Variants in MAGI2 observed in about 807,000 individuals in gnomAD.
MAGI2 encodes membrane-associated guanylate kinase, WW and PDZ domain-containing protein 2.
A neutral mutation model predicts 133.3 loss-of-function variants in MAGI2; 35 were observed. The observed-to-expected ratio is 0.26, with a 90% CI of 0.20 to 0.35. The LOEUF (loss-of-function observed/expected upper bound fraction) is 0.35. Ranked by LOEUF, MAGI2 falls within the 10% of genes least tolerant of loss-of-function variation. The probability of loss-of-function intolerance (pLI) is 1.00; values close to 1 mark genes in which losing one functional copy is unlikely to be tolerated. For synonymous variants in MAGI2, 729 were observed against 710.6 expected (o/e 1.03, Z -0.41); for missense variants, 1,636 against 1,863.4 (o/e 0.88, Z 2.25).
intron 1 of MAGI2, among the ~76,000 whole-genome samples, chr7:79,242,745 G>A (rs1832514598): frequency 6.6e-6 from 1 of 152,188 alleles, no homozygotes; most frequent in Admixed American, 6.5e-5. Context: ...TGGCCAATAA[G>A]AGGATGTAGA....
intron 1 of MAGI2, among the ~76,000 whole-genome samples, chr7:79,376,768 T>A (rs73157871): frequency 6.6e-6 from 1 of 151,938 alleles, no homozygotes; most frequent in East Asian, 1.9e-4. Context: ...TGTAGTTGAC[T>A]GTGGATAACT....
In MAGI2 at chr7:78,019,193, C is replaced by T; in HGVS notation, c.*122G>A. The T allele has an allele frequency of 8.3e-7, 1 of 1,199,288 alleles. No homozygotes were observed. Among genetic ancestry groups the T allele is most frequent in the Non-Finnish European group, 1.2e-6 (1 of 863,804 alleles). 74.3% of individuals were successfully genotyped at this position (1,199,288 alleles called of 1,614,324 possible). A position where few individuals can be genotyped will look rare whatever the true frequency, so the allele number is the denominator to read the frequency against. ...CACGTGGGACTTCACGTCGATGCTCCCAGGCCTTGGTGCCTCGTGGATCTA... is the reference window on the plus strand; with the variant it reads ...CACGTGGGACTTCACGTCGATGCTCTCAGGCCTTGGTGCCTCGTGGATCTA... On this transcript the variant is annotated 3_prime_UTR_variant, in exon 22 of 22. Transcript: ENST00000354212.
chr7:78,174,996 G>A (rs1190237911), intron 14 of MAGI2, among the ~76,000 whole-genome samples: 1 of 152,166 alleles, frequency 6.6e-6, no homozygotes, highest in Admixed American at 6.5e-5. Context: ...TGTCACATTT[G>A]GAACCCTTCC....
intron 9 of MAGI2, among the ~76,000 whole-genome samples, chr7:78,327,288 G>A (rs1384681197): frequency 1.1e-4 from 17 of 152,164 alleles, no homozygotes; most frequent in Admixed American, 1.1e-3. Flanking sequence ...AGTTGCGATG[G>A]CTTCATTGCC....
intron 2 of MAGI2, among the ~76,000 whole-genome samples, chr7:78,932,214 T>C (rs983065656): frequency 6.6e-6 from 1 of 152,138 alleles, no homozygotes; most frequent in Non-Finnish European, 1.5e-5. Context: ...CCAAGACCTA[T>C]GTGCATTACT....
intron 21 of MAGI2, among the ~76,000 whole-genome samples, chr7:78,026,569 G>T (rs1050835111): frequency 3.3e-5 from 5 of 152,130 alleles, no homozygotes; most frequent in Non-Finnish European, 7.3e-5. Context: ...ATTTGCATCT[G>T]TTCCACCATC....
chr7:78,712,496 C>T (rs187298192), intron 2 of MAGI2, among the ~76,000 whole-genome samples: 224 of 152,280 alleles, frequency 1.5e-3, no homozygotes, highest in African/African-American at 4.4e-3. Flanking sequence ...TGCAAGCTAA[C>T]GCTGCAGTAT....
chr7:78,888,646 C>T (rs541015291), intron 2 of MAGI2, among the ~76,000 whole-genome samples: 35 of 152,292 alleles, frequency 2.3e-4, no homozygotes, highest in Non-Finnish European at 3.7e-4. Flanking sequence ...CAGCAAACTC[C>T]GACAGACCTG....
At position 78,188,800 on chromosome 7, in the gene MAGI2, T is replaced by C. The variant is rs1042829105; in HGVS notation, c.2270-3130A>G. Among the ~76,000 whole-genome samples the C allele has an allele frequency of 2.6e-5, 4 of 152,164 alleles. No individual in the cohort carries two copies. In the South Asian group the frequency reaches 8.3e-4, roughly 32 times the overall value. On this transcript the variant is annotated intron_variant, in intron 12 of 21. Transcript: ENST00000354212. ...GGCATCCATGAATTTATTTAAACCTTTGTGAAACTTTTTGATATTTCCAGC... is the reference window on the plus strand; with the variant it reads ...GGCATCCATGAATTTATTTAAACCTCTGTGAAACTTTTTGATATTTCCAGC...
rs77023657 is a variant in MAGI2 at position 78,257,435 on chromosome 7, T to G, written c.1409-854A>C. On this transcript the variant is annotated intron_variant, in intron 9 of 21. Transcript: ENST00000354212. ...TCCTCTGATCTTAGATAAACTAATATTTCTGTGGATCAGTTTCAATAAAGG... is the reference window on the plus strand; with the variant it reads ...TCCTCTGATCTTAGATAAACTAATAGTTCTGTGGATCAGTTTCAATAAAGG... 1.8e-3 allele frequency among the ~76,000 whole-genome samples: 281 copies of G among 152,304 alleles called. 1 individual carries two copies. The highest frequency in any genetic ancestry group is 0.01 in the Middle Eastern group (3 of 294).
chr7:78,076,739 G>A (rs576840481), intron 21 of MAGI2, among the ~76,000 whole-genome samples: 4 of 149,510 alleles, frequency 2.7e-5, no homozygotes, highest in African/African-American at 9.8e-5. Flanking sequence ...CCAGCTACTG[G>A]GGAGGCTGAG....
intron 2 of MAGI2, among the ~76,000 whole-genome samples, chr7:78,719,803 T>C (rs1192674381): frequency 6.6e-6 from 1 of 152,196 alleles, no homozygotes; most frequent in Non-Finnish European, 1.5e-5. Context: ...GTGGACAGAA[T>C]TTAATTTGAA....
At position 79,170,137 on chromosome 7, in the gene MAGI2, C is replaced by CTT. The variant is rs10539344; in HGVS notation, c.302-162933_302-162932dup. Among the ~76,000 whole-genome samples, 15 of 42,946 alleles carry CTT rather than the reference C, an allele frequency of 3.5e-4. 2 individuals are homozygous for CTT. Among genetic ancestry groups the CTT allele is most frequent in the East Asian group, 9.3e-4 (1 of 1,078 alleles). 28.2% of individuals were successfully genotyped at this position (42,946 alleles called of 152,430 possible). A position where few individuals can be genotyped will look rare whatever the true frequency, so the allele number is the denominator to read the frequency against. ...TCAATGGTTACTTTGAGATATTATA[C>CTT]TTTTTTTTTTTTTTTTTTTTTTTTT... On this transcript the variant is annotated intron_variant, in intron 1 of 21. Transcript: ENST00000354212.
chr7:78,877,589 A>AAAGGCACTGCTATTAATCTAGC (rs1342785920), intron 2 of MAGI2, among the ~76,000 whole-genome samples: 1 of 152,232 alleles, frequency 6.6e-6, no homozygotes, highest in South Asian at 2.1e-4. Context: ...GGCTGTAGTC[A>AAAGGCACTGCTATTAATCTAGC]AAGGCACTGC....
At chr7:78,550,114 A>G (rs1294089162) in intron 3 of MAGI2, among the ~76,000 whole-genome samples, 1 of 152,196 alleles carries the variant, frequency 6.6e-6, no homozygotes, top group Non-Finnish European at 1.5e-5. Context: ...CCCTTAGCAG[A>G]TACCCTATCT....
intron 1 of MAGI2, among the ~76,000 whole-genome samples, chr7:79,294,025 A>C (rs1401722466): frequency 6.6e-6 from 1 of 152,026 alleles, no homozygotes; most frequent in East Asian, 1.9e-4. Flanking sequence ...TCTACTTAAA[A>C]TATAAAAATT....
intron 2 of MAGI2, among the ~76,000 whole-genome samples, chr7:78,628,810 A>G (rs959280315): frequency 6.7e-6 from 1 of 149,040 alleles, no homozygotes; most frequent in African/African-American, 2.5e-5. Context: ...TTTCTATGAG[A>G]ACCTTAACTT....
chr7:78,171,193 C>T lies in MAGI2; in HGVS notation c.2404-3085G>A, dbSNP rs536465430. ...ATTTACTTCCAATATGATTTGTACC[C>T]TTGACACATTCTATTATTTCCCCTT... On this transcript the variant is annotated intron_variant, in intron 14 of 21. Transcript: ENST00000354212. Among the ~76,000 whole-genome samples, 5 of 152,220 alleles carry T rather than the reference C, an allele frequency of 3.3e-5. No homozygotes were observed. The East Asian group carries it at 9.6e-4, about 29-fold the overall frequency.
chr7:78,900,501 C>T (rs1438571539), intron 2 of MAGI2, among the ~76,000 whole-genome samples: 1 of 152,098 alleles, frequency 6.6e-6, no homozygotes, highest in African/African-American at 2.4e-5. Context: ...AGGTCCTTCA[C>T]ACTTGCTCGG....
Sources: allele counts gnomAD v4.1 joint callset (sites outside exome capture counted in the v4.1 genomes callset), GRCh38; gene constraint gnomAD v4.1.1; transcripts MANE v1.5; gene names NCBI Gene and HGNC (gene_info 2026-07-23, HGNC 2026-07-21).